Variants in NFIB observed in about 807,000 individuals in gnomAD.
NFIB encodes nuclear factor 1 B-type.
In NFIB, 11 loss-of-function variants were observed where a neutral mutation model predicts 61.5. That is an observed-to-expected ratio of 0.18 (90% confidence interval 0.11 to 0.30). The LOEUF (loss-of-function observed/expected upper bound fraction) is 0.30. Among genes scored for constraint, NFIB ranks in the 10% least tolerant of loss-of-function variants. The probability of loss-of-function intolerance (pLI) is 1.00; values close to 1 mark genes in which losing one functional copy is unlikely to be tolerated. For missense variants in NFIB, 471 were observed against 608.9 expected (o/e 0.77, Z 2.38); for synonymous variants, 260 against 216.5 (o/e 1.20, Z -1.76).
the NFIB span, among the ~76,000 whole-genome samples, chr9:14,441,528 G>A: frequency 6.6e-6 from 1 of 152,012 alleles, no homozygotes; most frequent in Non-Finnish European, 1.5e-5. Context: ...CATACTTTAT[G>A]TTCTGACCTT....
chr9:14,273,493 G>A (rs1050562174), intron 2 of NFIB, among the ~76,000 whole-genome samples: 4 of 151,812 alleles, frequency 2.6e-5, no homozygotes, highest in Admixed American at 6.6e-5. Flanking sequence ...AGTACCTGCC[G>A]GCAGATTTCT....
At chr9:14,458,485 C>T in the NFIB span, among the ~76,000 whole-genome samples, 2 of 152,198 alleles carry the variant, frequency 1.3e-5, no homozygotes, top group African/African-American at 4.8e-5. Context: ...CTCACCACTC[C>T]TATTCAACAT....
chr9:14,342,588 C>CT (rs1350073871), intron 1 of NFIB, among the ~76,000 whole-genome samples: 2 of 152,182 alleles, frequency 1.3e-5, no homozygotes, highest in Non-Finnish European at 2.9e-5. Context: ...TTACTTTTGG[C>CT]TTTTTCATAT....
At chr9:14,208,931 T>C (rs751654011) in intron 2 of NFIB, among the ~76,000 whole-genome samples, 2 of 151,938 alleles carry the variant, frequency 1.3e-5, no homozygotes, top group Non-Finnish European at 2.9e-5. Context: ...ACCCCACCCA[T>C]AAGGGAAAAG....
chr9:14,376,317 A>T (rs2061418630), intron 1 of NFIB, among the ~76,000 whole-genome samples: 1 of 152,224 alleles, frequency 6.6e-6, no homozygotes, highest in African/African-American at 2.4e-5. Context: ...TAATTTTTAA[A>T]AAAGTTAACA....
At chr9:14,248,943 A>G (rs1440018678) in intron 2 of NFIB, among the ~76,000 whole-genome samples, 2 of 152,216 alleles carry the variant, frequency 1.3e-5, no homozygotes, top group African/African-American at 4.8e-5. Context: ...CAGTTACATC[A>G]TTTGAACACC....
intron 2 of NFIB, among the ~76,000 whole-genome samples, chr9:14,245,073 G>A (rs886076939): frequency 6.6e-6 from 1 of 152,100 alleles, no homozygotes; most frequent in Non-Finnish European, 1.5e-5. Flanking sequence ...TCAAAGGTTT[G>A]GGATAACAAC....
intron 2 of NFIB, among the ~76,000 whole-genome samples, chr9:14,259,882 G>A (rs899159470): frequency 1.5e-4 from 23 of 152,300 alleles, no homozygotes; most frequent in Admixed American, 1.5e-3. Flanking sequence ...TCCAGCCTGG[G>A]CAACAGAGTG....
the NFIB span, among the ~76,000 whole-genome samples, chr9:14,523,607 G>A: frequency 1.4e-4 from 22 of 152,014 alleles, no homozygotes; most frequent in African/African-American, 4.8e-4. Flanking sequence ...AACTTATTTC[G>A]TCAAAAATAA....
intron 1 of NFIB, among the ~76,000 whole-genome samples, chr9:14,326,545 G>A (rs147051810): frequency 6.6e-6 from 1 of 152,126 alleles, no homozygotes; most frequent in East Asian, 1.9e-4. Context: ...GTGGTTTGTG[G>A]TGTCATCAAA....
the NFIB span, among the ~76,000 whole-genome samples, chr9:14,421,716 A>G: frequency 2.0e-4 from 30 of 152,238 alleles, no homozygotes; most frequent in Non-Finnish European, 1.0e-4. Flanking sequence ...GCCCAGTGCT[A>G]ATTTGCATAA....
chr9:14,108,208 A>C (rs920927139), intron 10 of NFIB, among the ~76,000 whole-genome samples: 1 of 152,102 alleles, frequency 6.6e-6, no homozygotes, highest in Admixed American at 6.6e-5. Flanking sequence ...CAATTATGAT[A>C]ACAGACACAA....
chr9:14,447,886 G>A, the NFIB span, among the ~76,000 whole-genome samples: 1 of 152,080 alleles, frequency 6.6e-6, no homozygotes, highest in Admixed American at 6.6e-5. Flanking sequence ...ATCGATTTAA[G>A]ATGATGCTTT....
intron 1 of NFIB, among the ~76,000 whole-genome samples, chr9:14,342,720 C>T (rs1250498274): frequency 6.6e-6 from 1 of 152,104 alleles, no homozygotes; most frequent in Admixed American, 6.5e-5. Flanking sequence ...GATTTTAAAA[C>T]TCCTCCCTTC....
intron 7 of NFIB, among the ~76,000 whole-genome samples, chr9:14,121,146 C>G (rs891298513): frequency 2.0e-5 from 3 of 152,182 alleles, no homozygotes; most frequent in African/African-American, 7.2e-5. Flanking sequence ...CACCTGTAAT[C>G]CCAGCTACTT....
chr9:14,507,216 G>A, the NFIB span, among the ~76,000 whole-genome samples: 1 of 152,140 alleles, frequency 6.6e-6, no homozygotes, highest in South Asian at 2.1e-4. Context: ...AGCATCCAAA[G>A]TTCTGAATTC....
intron 6 of NFIB, among the ~76,000 whole-genome samples, chr9:14,129,851 TAC>T (rs1174592751): frequency 2.0e-5 from 3 of 152,146 alleles, no homozygotes; most frequent in Non-Finnish European, 4.4e-5. Context: ...AGTTGAATAA[TAC>T]ATAAAATAAA....
intron 1 of NFIB, chr9:14,321,839 G>T: frequency 8.3e-7 from 1 of 1,206,498 alleles, no homozygotes; most frequent in South Asian, 4.2e-5. Flanking sequence ...CAGCCACTTT[G>T]CAATCCACAA....
chr9:14,504,687 C>G, the NFIB span, among the ~76,000 whole-genome samples: 1 of 152,126 alleles, frequency 6.6e-6, no homozygotes, highest in South Asian at 2.1e-4. Flanking sequence ...ATTTTGTATC[C>G]TGAAGCTTTG....
Sources: allele counts gnomAD v4.1 joint callset (sites outside exome capture counted in the v4.1 genomes callset), GRCh38; gene constraint gnomAD v4.1.1; transcripts MANE v1.5; gene names NCBI Gene and HGNC (gene_info 2026-07-23, HGNC 2026-07-21).